Variants in SCNN1B observed in about 807,000 individuals in gnomAD.
The protein encoded by SCNN1B is sodium channel epithelial 1 subunit beta, also known as epithelial sodium channel subunit beta.
In SCNN1B, 46 loss-of-function variants were observed where a neutral mutation model predicts 65.3. The ratio of observed to expected loss-of-function variants is 0.70; its 90% CI spans 0.56 to 0.90. The LOEUF is 0.90. Ranked by LOEUF, SCNN1B falls within the 40% of genes least tolerant of loss-of-function variation. The pLI, the probability that SCNN1B is intolerant of heterozygous loss-of-function variation, is 0.00. For synonymous variants in SCNN1B, 349 were observed against 330.6 expected (o/e 1.06, Z -0.60); for missense variants, 751 against 830.5 (o/e 0.90, Z 1.18).
intron 2 of SCNN1B, among the ~76,000 whole-genome samples, chr16:23,295,007 C>CAA (rs35413934): frequency 8.6e-5 from 13 of 151,672 alleles, no homozygotes; most frequent in African/African-American, 3.1e-4. Flanking sequence ...AACAAATAAA[C>CAA]AAAAAAACTT....
chr16:23,328,415 C>T (rs1396258712), intron 1 of SCNN1B, among the ~76,000 whole-genome samples: 1 of 152,190 alleles, frequency 6.6e-6, no homozygotes, highest in Non-Finnish European at 1.5e-5. Context: ...CAGCCCAGAT[C>T]ATGATGGGCA....
chr16:23,290,575 G>A (rs1220015168), intron 2 of SCNN1B, among the ~76,000 whole-genome samples: 1 of 152,136 alleles, frequency 6.6e-6, no homozygotes, highest in South Asian at 2.1e-4. Flanking sequence ...TCCAAGTGCC[G>A]GGATTACAGG....
At chr16:23,350,505 G>T (rs1962285623) in intron 2 of SCNN1B, among the ~76,000 whole-genome samples, 1 of 152,202 alleles carries the variant, frequency 6.6e-6, no homozygotes, top group South Asian at 2.1e-4. Context: ...AAGTTGGCCA[G>T]ATATGGTGAA....
rs370988256 is a variant in SCNN1B, at chr16:23,375,904, A to G, written c.1270+49A>G. Reference sequence around the variant, plus strand: ...GCACTCCAGCCATCTGGGGCCACAGAGGCTCTGACCATAGAGGAGGAGGCA... The same window carrying G: ...GCACTCCAGCCATCTGGGGCCACAGGGGCTCTGACCATAGAGGAGGAGGCA... On this transcript the variant is annotated intron_variant, in intron 8 of 12. Transcript: ENST00000343070. The G allele has an allele frequency of 9.8e-5, 124 of 1,271,062 alleles. 1 individual carries two copies. The highest frequency in any genetic ancestry group is 1.4e-4 in the Non-Finnish European group (122 of 867,356). 78.7% of individuals were successfully genotyped at this position (1,271,062 alleles called of 1,614,324 possible). A position where few individuals can be genotyped will look rare whatever the true frequency, so the allele number is the denominator to read the frequency against.
intron 1 of SCNN1B, among the ~76,000 whole-genome samples, chr16:23,331,417 T>C (rs1260255889): frequency 6.6e-6 from 1 of 151,520 alleles, no homozygotes; most frequent in East Asian, 1.9e-4. Flanking sequence ...CTCTGCCTCC[T>C]GGGTTCAAGT....
At chr16:23,302,053 C>T (rs1371162098), upstream of SCNN1B, among the ~76,000 whole-genome samples, 5 of 152,050 alleles carry the variant, frequency 3.3e-5, no homozygotes, top group Non-Finnish European at 7.4e-5. Context: ...GATGAGGGGT[C>T]TGTGGACATA....
intron 1 of SCNN1B, among the ~76,000 whole-genome samples, chr16:23,325,224 T>C (rs1261628357): frequency 6.6e-6 from 1 of 152,188 alleles, no homozygotes; most frequent in East Asian, 1.9e-4. Context: ...TTCTAGTTGA[T>C]TGAACGCTCT....
At chr16:23,332,536 C>T (rs994972617) in intron 1 of SCNN1B, among the ~76,000 whole-genome samples, 6 of 151,948 alleles carry the variant, frequency 3.9e-5, no homozygotes, top group African/African-American at 7.3e-5. Flanking sequence ...CTCACTATGT[C>T]GCCAGGCTGA....
At position 23,367,841 on chromosome 16, in the gene SCNN1B, T is replaced by C. The variant is rs1246036134; in HGVS notation, c.777-15T>C. 3.8e-6 allele frequency: 6 copies of C among 1,596,474 alleles called. No individual in the cohort carries two copies. In the African/African-American group the frequency reaches 8.1e-5, roughly 21 times the overall value. On this transcript the variant is annotated splice_polypyrimidine_tract_variant and intron_variant, in intron 4 of 12. Transcript: ENST00000343070. ...GTGGTGGAACCTGCCCTGCAGCTGATGCTGTTTCTTTTAGGAACTTCACGT... is the reference window on the plus strand; with the variant it reads ...GTGGTGGAACCTGCCCTGCAGCTGACGCTGTTTCTTTTAGGAACTTCACGT...
intron 1 of SCNN1B, chr16:23,304,104 T>C: frequency 6.5e-7 from 1 of 1,534,624 alleles, no homozygotes. Context: ...ATTTTCAGGT[T>C]GGTTTTTATT....
At chr16:23,284,587 A>G (rs1449492680) in intron 2 of SCNN1B, among the ~76,000 whole-genome samples, 2 of 152,180 alleles carry the variant, frequency 1.3e-5, no homozygotes, top group African/African-American at 4.8e-5. Flanking sequence ...GGCAGAGGGA[A>G]GGGCAGACAA....
chr16:23,321,651 G>A (rs939816015), intron 1 of SCNN1B, among the ~76,000 whole-genome samples: 2 of 152,190 alleles, frequency 1.3e-5, no homozygotes, highest in African/African-American at 4.8e-5. Context: ...AGGATTAAAT[G>A]AGATGATGGC....
chr16:23,288,563 G>A (rs1170615140), intron 2 of SCNN1B, among the ~76,000 whole-genome samples: 1 of 152,142 alleles, frequency 6.6e-6, no homozygotes, highest in Admixed American at 6.6e-5. Context: ...CAGCACTTTG[G>A]GAGGCCAAGG....
At chr16:23,366,706 C>T (rs1031346848) in intron 4 of SCNN1B, among the ~76,000 whole-genome samples, 7 of 151,974 alleles carry the variant, frequency 4.6e-5, no homozygotes, top group Non-Finnish European at 8.8e-5. Flanking sequence ...GCCTGAGCAA[C>T]ATAGTGAGAC....
At chr16:23,378,900 G>A (rs1962971191) in intron 11 of SCNN1B, 133 bp downstream of exon 11, 1 of 785,330 alleles carries the variant, frequency 1.3e-6, no homozygotes, top group South Asian at 1.6e-5. Context: ...TCTTGAGGAG[G>A]AGGCACTAGG....
In SCNN1B at chr16:23,377,104, G is replaced by A. The variant is rs1962914683; in HGVS notation, c.1271-61G>A. The stretch of plus-strand genomic sequence containing the variant: ...AGGGGCCAGCCAGAGGCTCAGCAGG[G>A]AACAGGGGCACCTAAAAAGCCCCCT... On this transcript the variant is annotated intron_variant, in intron 8 of 12. Transcript: ENST00000343070. 2.1e-5 allele frequency: 31 copies of A among 1,456,336 alleles called. No homozygotes were observed. The South Asian group carries it at 3.2e-4, about 15-fold the overall frequency. The allele number at this position is 1,456,336 out of a possible 1,614,324, so 90.2% of individuals were successfully genotyped here.
At chr16:23,279,034 A>G (rs76949935) in intron 1 of SCNN1B, among the ~76,000 whole-genome samples, 1 of 151,680 alleles carries the variant, frequency 6.6e-6, no homozygotes, top group African/African-American at 2.4e-5. Flanking sequence ...GTTGAAAAAA[A>G]GCCTCCAAAG....
chr16:23,380,688 T>C lies in SCNN1B; in HGVS notation c.1810T>C (p.Tyr604His). The C allele has an allele frequency of 3.1e-6, 5 of 1,612,026 alleles. 1 individual carries two copies. The highest frequency in any genetic ancestry group is 1.1e-5 in the South Asian group (1 of 91,006). ...CCCCCGCAGCCCCAACACTGGGCCC[T>C]ACCCCAGTGAGCAGGCCCTGCCCAT... ...TAPRSPNTGP[Y>H]PSEQALPIPG... The change falls in exon 13 of 13, where the codon TAC (tyrosine) becomes CAC (histidine). Residue 604 changes from tyrosine (Y) to histidine (H), a missense_variant. By Grantham distance (83) the Tyr-to-His change is moderately conservative. Transcript: ENST00000343070. This position sits in a 1 kb window ranked among gnomAD's most constrained non-coding sequence, Gnocchi z 5.4.
At chr16:23,292,256 C>T (rs1960936399) in intron 2 of SCNN1B, among the ~76,000 whole-genome samples, 2 of 150,464 alleles carry the variant, frequency 1.3e-5, no homozygotes, top group South Asian at 2.1e-4. Flanking sequence ...TGCAGTGGCA[C>T]GATCTTGGCT....
Sources: allele counts gnomAD v4.1 joint callset (sites outside exome capture counted in the v4.1 genomes callset), GRCh38; gene constraint gnomAD v4.1.1; non-coding constraint Gnocchi (gnomAD v3.1); transcripts MANE v1.5; gene names NCBI Gene and HGNC (gene_info 2026-07-23, HGNC 2026-07-21).